CAMK2G: variants seen among roughly 807,000 people sequenced by gnomAD.
CAMK2G encodes calcium/calmodulin-dependent protein kinase type II subunit gamma.
In CAMK2G, 23 loss-of-function variants were observed where a neutral mutation model predicts 88.7. The ratio of observed to expected loss-of-function variants is 0.26; its 90% CI spans 0.19 to 0.37. CAMK2G has a LOEUF of 0.37. CAMK2G is among the 10% of genes least tolerant of loss of function. The probability of loss-of-function intolerance (pLI) is 1.00; values close to 1 mark genes in which losing one functional copy is unlikely to be tolerated. For missense variants in CAMK2G, 476 were observed against 780.8 expected, an observed-to-expected ratio of 0.61 and a Z score of 4.65; for synonymous variants, 263 against 294.8, an observed-to-expected ratio of 0.89 and a Z score of 1.11.
At chr10:73,831,462 C>T (rs1337193003) in intron 14 of CAMK2G, among the ~76,000 whole-genome samples, 18 of 147,842 alleles carry the variant, frequency 1.2e-4, no homozygotes, top group Admixed American at 6.9e-4. Flanking sequence ...TGTTTGAACC[C>T]GGGAGGCGGA....
rs757373124 is a variant in CAMK2G, at chr10:73,815,039, C to A, written c.1743G>T (p.Gly581=). Residue 581 remains glycine (G), a synonymous_variant, in exon 22 of 23, where the codon GGG becomes GGT. Transcript: ENST00000423381. ...KWLNVHYHCS[G]APAAPLQ ...CTCACTGCAGCGGTGCGGCAGGGGCCCCTGAGCAGTGATAGTGGACATTGA... is the reference window on the plus strand; with the variant it reads ...CTCACTGCAGCGGTGCGGCAGGGGCACCTGAGCAGTGATAGTGGACATTGA... The A allele has an allele frequency of 6.2e-7, 1 of 1,613,642 alleles. No homozygotes were observed. Among genetic ancestry groups the A allele is most frequent in the Non-Finnish European group, 8.5e-7 (1 of 1,179,864 alleles).
In CAMK2G at chr10:73,819,766, G is replaced by C; in HGVS notation, c.1250-121C>G. ...CCATGGCGCTGCAGAGCCGGGGCAAGGGGACGCCTCGCCTCAGGCTGCTGT... is the reference window on the plus strand; with the variant it reads ...CCATGGCGCTGCAGAGCCGGGGCAACGGGACGCCTCGCCTCAGGCTGCTGT... On this transcript the variant is annotated intron_variant, in intron 18 of 22. Coordinates refer to ENST00000423381, the MANE Select transcript of CAMK2G (RefSeq NM_001367534.1). 14 of 628,680 alleles carry C rather than the reference G, an allele frequency of 2.2e-5. No homozygotes were observed. In the South Asian group the frequency reaches 2.7e-4, roughly 12 times the overall value. The allele number at this position is 628,680 out of a possible 1,614,324, so 38.9% of individuals were successfully genotyped here. A position where few individuals can be genotyped will look rare whatever the true frequency, so the allele number is the denominator to read the frequency against.
Position 73,828,072 on chromosome 10 carries a change from G to A in CAMK2G, c.1086+17C>T, listed in dbSNP as rs1380291704. Reference sequence around the variant, plus strand: ...AGGCAGCATGGAGTGGGCGATGGGTGGGCAGGCAAGGCTCACCATTAGGTG... The same window carrying A: ...AGGCAGCATGGAGTGGGCGATGGGTAGGCAGGCAAGGCTCACCATTAGGTG... On this transcript the variant is annotated intron_variant, in intron 15 of 22. Transcript: ENST00000423381. 1.2e-6 allele frequency: 2 copies of A among 1,609,870 alleles called. No individual in the cohort carries two copies. Among genetic ancestry groups the A allele is most frequent in the Non-Finnish European group, 1.7e-6 (2 of 1,176,262 alleles).
chr10:73,866,824 G>T (rs2095613677), intron 2 of CAMK2G, among the ~76,000 whole-genome samples: 2 of 152,140 alleles, frequency 1.3e-5, no homozygotes, highest in African/African-American at 4.8e-5. Flanking sequence ...GGGATTTGAT[G>T]TCATAATCCA....
At chr10:73,815,418 C>G (rs1429847772) in intron 21 of CAMK2G, among the ~76,000 whole-genome samples, 171 bp from the exon 22 acceptor site, 1 of 150,574 alleles carries the variant, frequency 6.6e-6, no homozygotes, top group Non-Finnish European at 1.5e-5. Context: ...GCCAGGATGC[C>G]ACATTACATT....
At chr10:73,874,256 G>T in intron 1 of CAMK2G, 141 bp downstream of exon 1, 1 of 394,768 alleles carries the variant, frequency 2.5e-6, no homozygotes, top group Non-Finnish European at 4.0e-6. Context: ...CGCGGGGACC[G>T]AAGGCGGCGG....
chr10:73,845,592 A>AG (rs1291664256), intron 10 of CAMK2G, among the ~76,000 whole-genome samples: 51 of 151,072 alleles, frequency 3.4e-4, no homozygotes, highest in East Asian at 1.4e-3. Flanking sequence ...AAAAAAAAAA[A>AG]AGAGAAAACC....
At chr10:73,853,097 C>T (rs899951890) in intron 4 of CAMK2G, 95 bp downstream of exon 4, 15 of 1,154,272 alleles carry the variant, frequency 1.3e-5, no homozygotes, top group South Asian at 1.1e-4. Context: ...GGGCCCTGGG[C>T]GGAGGCTGGA....
At position 73,824,078 on chromosome 10, in the gene CAMK2G, G is replaced by C; in HGVS notation, c.1162C>G (p.Gln388Glu). ...PAPLQTAMEP[Q>E]TTVVHNATDG... ...GTAGCGTTGTGTACCACAGTGGTTT[G>C]TGGCTCCTGTGAGAGAAGATGAAGA... Residue 388 changes from glutamine to glutamate, a missense_variant, in exon 17 of 23, where the codon CAA (glutamine) becomes GAA (glutamate). Around this residue, in one of 3 missense-constraint regions of CAMK2G, gnomAD observed 278 missense variants for 366.5 expected, o/e 0.76. Transcript: ENST00000423381. 6.2e-7 allele frequency: 1 copy of C among 1,612,860 alleles called. No individual in the cohort carries two copies. Among genetic ancestry groups the C allele is most frequent in the Non-Finnish European group, 8.5e-7 (1 of 1,178,912 alleles).
At chr10:73,838,790 C>A (rs2093491983) in intron 13 of CAMK2G, among the ~76,000 whole-genome samples, 2 of 152,174 alleles carry the variant, frequency 1.3e-5, no homozygotes. Flanking sequence ...TGGTTGCCCA[C>A]TAGGATCACC....
At chr10:73,853,433 G>T (rs1397290891) in intron 3 of CAMK2G, among the ~76,000 whole-genome samples, 187 bp from the exon 4 acceptor site, 3 of 152,258 alleles carry the variant, frequency 2.0e-5, no homozygotes, top group Non-Finnish European at 4.4e-5. Flanking sequence ...GGGAGCCAGA[G>T]CCTGGCGCTC....
At chr10:73,872,900 G>A (rs1565557107) in intron 2 of CAMK2G, 89 bp downstream of exon 2, 4 of 864,904 alleles carry the variant, frequency 4.6e-6, no homozygotes, top group Admixed American at 1.7e-5. Flanking sequence ...GTGCTAAAAC[G>A]CACAACCCCC....
chr10:73,861,452 T>C (rs541943091), intron 2 of CAMK2G, among the ~76,000 whole-genome samples: 1 of 152,032 alleles, frequency 6.6e-6, no homozygotes, highest in Admixed American at 6.5e-5. Context: ...GCCTCCTGGG[T>C]TCAAGCAATT....
At position 73,842,406 on chromosome 10, in the gene CAMK2G, C is replaced by G. The variant is rs1465502037; in HGVS notation, c.903+52G>C. ...CTTCTGAAATGGGGCAGGAGCCACA[C>G]TGGTGCAAGGCATGATGTCAAGGAG... On this transcript the variant is annotated intron_variant, in intron 11 of 22. Transcript: ENST00000423381. This position sits in a 1 kb window ranked among gnomAD's most constrained non-coding sequence, Gnocchi z 4.6. 6 of 1,384,400 alleles carry G rather than the reference C, an allele frequency of 4.3e-6. No homozygotes were observed. Among genetic ancestry groups the G allele is most frequent in the Non-Finnish European group, 6.2e-6 (6 of 970,498 alleles). 85.8% of individuals were successfully genotyped at this position (1,384,400 alleles called of 1,614,324 possible). A position where few individuals can be genotyped will look rare whatever the true frequency, so the allele number is the denominator to read the frequency against.
intron 21 of CAMK2G, 83 bp from the exon 22 acceptor site, chr10:73,815,330 C>G: frequency 1.1e-6 from 1 of 926,582 alleles, no homozygotes; most frequent in South Asian, 1.5e-5. Flanking sequence ...CCAAGTCTTA[C>G]CATCTCCCAA....
Position 73,852,465 on chromosome 10 carries a change from A to G in CAMK2G, c.276-146T>C, listed in dbSNP as rs897723400. The stretch of plus-strand genomic sequence containing the variant: ...CATTTCATCTGAGAGCTCAGAACAC[A>G]CTCGATCCTTCAGTGACACCCGGAT... On this transcript the variant is annotated intron_variant, in intron 4 of 22. Coordinates refer to ENST00000423381, the MANE Select transcript of CAMK2G (RefSeq NM_001367534.1). 9 of 657,970 alleles carry G rather than the reference A, an allele frequency of 1.4e-5. No individual in the cohort carries two copies. The African/African-American group carries it at 1.4e-4, about 11-fold the overall frequency. 40.8% of individuals were successfully genotyped at this position (657,970 alleles called of 1,614,324 possible).
intron 15 of CAMK2G, 49 bp downstream of exon 15, chr10:73,828,040 C>CG: frequency 6.6e-7 from 1 of 1,516,210 alleles, no homozygotes; most frequent in East Asian, 2.3e-5. Context: ...GGCTGGCAGG[C>CG]GGGCACAGGC....
intron 2 of CAMK2G, among the ~76,000 whole-genome samples, chr10:73,865,977 G>A (rs890527904): frequency 6.7e-6 from 1 of 150,294 alleles, no homozygotes; most frequent in Non-Finnish European, 1.5e-5. Context: ...CACCCCTGCC[G>A]GCCTTCAGCC....
intron 18 of CAMK2G, 151 bp from the exon 19 acceptor site, chr10:73,819,796 A>T (rs961577481): frequency 1.9e-5 from 11 of 588,824 alleles, no homozygotes; most frequent in Non-Finnish European, 3.0e-5. Flanking sequence ...TGCTGTGGAC[A>T]CTGGACGACA....
Sources: allele counts gnomAD v4.1 joint callset (sites outside exome capture counted in the v4.1 genomes callset), GRCh38; gene constraint gnomAD v4.1.1; regional missense constraint gnomAD v4.1.1; non-coding constraint Gnocchi (gnomAD v3.1); transcripts MANE v1.5; gene names NCBI Gene and HGNC (gene_info 2026-07-23, HGNC 2026-07-21).